Variants in RORA observed in about 807,000 individuals in gnomAD.
The protein encoded by RORA is RAR related orphan receptor A.
A neutral mutation model predicts 69.5 loss-of-function variants in RORA; 7 were observed. The ratio of observed to expected loss-of-function variants is 0.10; its 90% CI spans 0.06 to 0.19. RORA has a LOEUF of 0.19. Among genes scored for constraint, RORA ranks in the 10% least tolerant of loss-of-function variants. The probability of loss-of-function intolerance (pLI) is 1.00; values close to 1 mark genes in which losing one functional copy is unlikely to be tolerated. For synonymous variants in RORA, 261 were observed against 240.8 expected (o/e 1.08, Z -0.78); for missense variants, 457 against 663.0 (o/e 0.69, Z 3.41).
intron 1 of RORA, among the ~76,000 whole-genome samples, chr15:61,033,912 A>T (rs1044471065): frequency 6.8e-6 from 1 of 147,496 alleles, no homozygotes; most frequent in Non-Finnish European, 1.5e-5. Flanking sequence ...AAAAAAAAAA[A>T]TCTTATTAAC....
chr15:60,988,982 T>C (rs1327120814), intron 1 of RORA, among the ~76,000 whole-genome samples: 1 of 152,206 alleles, frequency 6.6e-6, no homozygotes, highest in Non-Finnish European at 1.5e-5. Flanking sequence ...AGGGTATTTT[T>C]TGAATGTCCA....
At chr15:60,604,132 C>CG (rs2068889253) in intron 2 of RORA, among the ~76,000 whole-genome samples, 1 of 91,982 alleles carries the variant, frequency 1.1e-5, no homozygotes, top group African/African-American at 4.2e-5. Flanking sequence ...GACTCTGTCT[C>CG]AAAAAAAAAA....
At chr15:60,704,165 T>C (rs9920880) in intron 1 of RORA, among the ~76,000 whole-genome samples, 12,115 of 152,272 alleles carry the variant, frequency 0.08, 527 homozygotes, top group African/African-American at 0.11. Context: ...GTGACAAAAA[T>C]GCGCCACTCC....
At chr15:60,945,787 A>G (rs552084989) in intron 1 of RORA, among the ~76,000 whole-genome samples, 1 of 152,346 alleles carries the variant, frequency 6.6e-6, no homozygotes, top group South Asian at 2.1e-4. Context: ...TGAAATCGAG[A>G]GGTCACTTCT....
rs774461332 is a variant in RORA, at chr15:60,838,883, CACACATATACT to C, written c.167-160208_167-160198del. Among the ~76,000 whole-genome samples the C allele has an allele frequency of 4.0e-3, 422 of 106,382 alleles. 4 individuals carry two copies. Among genetic ancestry groups the C allele is most frequent in the Non-Finnish European group, 5.5e-3 (284 of 51,422 alleles). The allele number at this position is 106,382 out of a possible 152,430, so 69.8% of individuals were successfully genotyped here. ...ACACACACACACACACACACACACA[CACACATATACT>C]TTTTTTTTTTTTCAGAGGGTGTCTC... On this transcript the variant is annotated intron_variant, in intron 1 of 10. Coordinates refer to ENST00000335670, the MANE Select transcript of RORA (RefSeq NM_134261.3).
intron 2 of RORA, chr15:60,592,881 G>C (rs1427561941): frequency 4.4e-6 from 2 of 458,960 alleles, no homozygotes; most frequent in African/African-American, 2.0e-5. Context: ...GCCCCCACTC[G>C]GTGGGGCAAG....
At chr15:60,999,969 G>A (rs1894695189) in intron 1 of RORA, among the ~76,000 whole-genome samples, 1 of 152,090 alleles carries the variant, frequency 6.6e-6, no homozygotes, top group Admixed American at 6.5e-5. Flanking sequence ...TCAAAAAAAG[G>A]CATCCTAACA....
chr15:61,046,150 C>T (rs952497085), intron 1 of RORA, among the ~76,000 whole-genome samples: 1 of 152,050 alleles, frequency 6.6e-6, no homozygotes, highest in African/African-American at 2.4e-5. Flanking sequence ...TACATGTGTG[C>T]ATGGGAGAGG....
intron 1 of RORA, among the ~76,000 whole-genome samples, chr15:60,990,053 C>T (rs1385142690): frequency 1.3e-5 from 2 of 152,228 alleles, no homozygotes; most frequent in Admixed American, 1.3e-4. Context: ...CTAATTTGAA[C>T]TCATGGATCC....
chr15:60,543,644 T>G (rs986133734), intron 2 of RORA, among the ~76,000 whole-genome samples: 1 of 151,808 alleles, frequency 6.6e-6, no homozygotes, highest in Admixed American at 6.6e-5. Flanking sequence ...ACACCTGGCT[T>G]TTTTTTATAT....
chr15:60,511,238 T>C lies in RORA; in HGVS notation c.808A>G (p.Met270Val). 5.0e-6 allele frequency: 8 copies of C among 1,612,722 alleles called. No homozygotes were observed. Among genetic ancestry groups the C allele is most frequent in the South Asian group, 1.1e-5 (1 of 90,770 alleles). ...TNGETSPTVS[M>V]AELEHLAQNI... ...TGCATGCCATTACCTAATTCTGCCA[T>C]GGACACAGTTGGGGAAGTCTCGCCG... The change falls in exon 5 of 11, where the codon ATG becomes GTG. Residue 270 changes from methionine (M) to valine (V), a missense_variant. Physicochemically the swap from Met to Val is conservative, Grantham distance 21. Around this residue, in one of 3 missense-constraint regions of RORA, gnomAD observed 304 missense variants for 447.4 expected, o/e 0.68. Transcript: ENST00000335670. The surrounding 1 kb of genome is among the most constrained non-coding windows in gnomAD (Gnocchi z 6.4).
chr15:60,936,423 C>T (rs1892524648), intron 1 of RORA, among the ~76,000 whole-genome samples: 1 of 152,210 alleles, frequency 6.6e-6, no homozygotes, highest in African/African-American at 2.4e-5. Flanking sequence ...CAGAAACAGC[C>T]TGGATGGAGA....
chr15:61,021,662 T>A (rs889213235), intron 1 of RORA, among the ~76,000 whole-genome samples: 2 of 152,176 alleles, frequency 1.3e-5, no homozygotes, highest in Non-Finnish European at 2.9e-5. Flanking sequence ...TTGCCTGCAA[T>A]CCCCGGACCA....
chr15:60,657,901 C>T (rs1567144172), intron 2 of RORA, among the ~76,000 whole-genome samples: 1 of 152,080 alleles, frequency 6.6e-6, no homozygotes, highest in African/African-American at 2.4e-5. Flanking sequence ...ACTTCATCCA[C>T]GGTGACTTCC....
intron 1 of RORA, among the ~76,000 whole-genome samples, chr15:60,739,621 A>G (rs1318274439): frequency 2.0e-5 from 3 of 152,098 alleles, no homozygotes; most frequent in Non-Finnish European, 4.4e-5. Flanking sequence ...ACTTCCAGGA[A>G]GATTTTGTGT....
chr15:61,220,075 CAT>C (rs2080080539), intron 1 of RORA, among the ~76,000 whole-genome samples: 1 of 152,248 alleles, frequency 6.6e-6, no homozygotes, highest in Non-Finnish European at 1.5e-5. Flanking sequence ...TTTCTGCACA[CAT>C]GTGCTCATCC....
At chr15:60,959,900 T>C (rs1256729436) in intron 1 of RORA, among the ~76,000 whole-genome samples, 2 of 152,194 alleles carry the variant, frequency 1.3e-5, no homozygotes. Context: ...CATCTAGCAC[T>C]TGTGGCCTCC....
intron 2 of RORA, among the ~76,000 whole-genome samples, chr15:60,549,851 C>A (rs12101343): frequency 0.019 from 2,830 of 152,230 alleles, 114 homozygotes; most frequent in African/African-American, 0.064. Context: ...TAAAGTCCTA[C>A]TTTTTATAAA....
intron 1 of RORA, among the ~76,000 whole-genome samples, chr15:60,770,756 G>A (rs2072061293): frequency 6.6e-6 from 1 of 152,178 alleles, no homozygotes; most frequent in Non-Finnish European, 1.5e-5. Context: ...CTGAGTAGCT[G>A]AGACTACGTG....
Sources: gnomAD v4.1 joint callset for allele counts (sites outside exome capture counted in the v4.1 genomes callset) on GRCh38, gnomAD v4.1.1 for gene constraint, gnomAD v4.1.1 regional missense constraint, Gnocchi (gnomAD v3.1) non-coding constraint, MANE v1.5 for transcripts, NCBI Gene and HGNC (gene_info 2026-07-23, HGNC 2026-07-21) for gene names.